The following PTPRN2 variants were observed in gnomAD, a reference collection of about 807,000 sequenced individuals.
The protein encoded by PTPRN2 is receptor-type tyrosine-protein phosphatase N2.
PTPRN2 carries 74 observed loss-of-function variants against 118.8 expected under a neutral mutation model. The ratio of observed to expected loss-of-function variants is 0.62; its 90% CI spans 0.52 to 0.76. The LOEUF (loss-of-function observed/expected upper bound fraction) is 0.76. Ranked by LOEUF, PTPRN2 falls within the 30% of genes least tolerant of loss-of-function variation. PTPRN2 has a pLI of 0.00. For missense variants in PTPRN2, 1,481 were observed against 1,394.4 expected, an observed-to-expected ratio of 1.06 and a Z score of -0.99; for synonymous variants, 641 against 608.0, an observed-to-expected ratio of 1.05 and a Z score of -0.80.
intron 2 of PTPRN2, among the ~76,000 whole-genome samples, chr7:158,429,381 C>T (rs919975923): frequency 1.4e-4 from 22 of 152,238 alleles, no homozygotes; most frequent in Admixed American, 1.4e-3. Flanking sequence ...TCCTGCAGCT[C>T]AGAGCTCAGC....
Position 157,583,773 on chromosome 7 carries a change from T to C in PTPRN2, c.2497-5633A>G, listed in dbSNP as rs190824240. Among the ~76,000 whole-genome samples the C allele has an allele frequency of 2.7e-3, 408 of 152,096 alleles. 3 individuals are homozygous for C. Among genetic ancestry groups the C allele is most frequent in the African/African-American group, 9.4e-3 (388 of 41,472 alleles). Reference sequence around the variant, plus strand: ...TGGTGGGTGCTGTAATCCCAGCTACTCAGGAGGCTGAGGCAGGAGAACTGC... The same window carrying C: ...TGGTGGGTGCTGTAATCCCAGCTACCCAGGAGGCTGAGGCAGGAGAACTGC... On this transcript the variant is annotated intron_variant, in intron 17 of 22. Transcript: ENST00000389418. This position sits in a 1 kb window ranked among gnomAD's most constrained non-coding sequence, Gnocchi z 5.5.
intron 2 of PTPRN2, among the ~76,000 whole-genome samples, chr7:158,404,904 C>T (rs1396648088): frequency 5.2e-5 from 7 of 133,754 alleles, no homozygotes; most frequent in South Asian, 5.3e-4. Flanking sequence ...CTCAGCTCCC[C>T]GGCCCCAGCT....
chr7:157,857,361 C>T (rs1809788135), intron 12 of PTPRN2: 1 of 152,258 alleles, frequency 6.6e-6, no homozygotes, highest in Non-Finnish European at 1.5e-5. Context: ...CGTTCACCCA[C>T]ACAAGGGCCA....
At chr7:157,985,115 G>T (rs2128836450) in intron 11 of PTPRN2, among the ~76,000 whole-genome samples, 1 of 152,296 alleles carries the variant, frequency 6.6e-6, no homozygotes, top group African/African-American at 2.4e-5. Flanking sequence ...CGTCGACTGT[G>T]CTCACTCAAC....
intron 12 of PTPRN2, among the ~76,000 whole-genome samples, chr7:157,891,485 C>T (rs192047404): frequency 7.6e-5 from 11 of 144,018 alleles, no homozygotes; most frequent in Admixed American, 7.1e-4. Context: ...TCCCACAGCC[C>T]CCCACCCCCC....
At chr7:158,253,548 G>A (rs188116078) in intron 3 of PTPRN2, among the ~76,000 whole-genome samples, 1 of 152,098 alleles carries the variant, frequency 6.6e-6, no homozygotes, top group Non-Finnish European at 1.5e-5. Flanking sequence ...CAGAGCACAC[G>A]CCAGACTCCC....
rs550025025 is a variant in PTPRN2, at chr7:158,166,956, G to A, written c.885C>T (p.Ser295=). ...CATCGCCTGTGCTGGAGGGGTCTTC[G>A]GAATCTCCCAGAGGTGAAGGCCACT... ...PQKWPSPLGD[S]EDPSSTGDGA... Residue 295 remains serine (S), a synonymous_variant, in exon 6 of 23, where the codon TCC becomes TCT. Transcript: ENST00000389418. The A allele has an allele frequency of 3.2e-4, 464 of 1,444,664 alleles. No homozygotes were observed. The highest frequency in any genetic ancestry group is 1.2e-3 in the Middle Eastern group (6 of 5,128). The allele number at this position is 1,444,664 out of a possible 1,614,324, so 89.5% of individuals were successfully genotyped here.
chr7:157,936,802 C>T (rs928301821), intron 11 of PTPRN2, among the ~76,000 whole-genome samples: 1 of 152,150 alleles, frequency 6.6e-6, no homozygotes, highest in Admixed American at 6.5e-5. Flanking sequence ...TTCAGAGGCT[C>T]CTCATGCCCT....
rs992078801 is a variant in PTPRN2, at chr7:157,881,665, G to A, written c.1788+17008C>T. On this transcript the variant is annotated intron_variant, in intron 12 of 22. Transcript: ENST00000389418. This position sits in a 1 kb window ranked among gnomAD's most constrained non-coding sequence, Gnocchi z 4.7. Reference sequence around the variant, plus strand: ...AGAAAGGAGAGGATTTCCTGTTTTCGTGGAACGTTAAGTCCAAGTGCTTGT... The same window carrying A: ...AGAAAGGAGAGGATTTCCTGTTTTCATGGAACGTTAAGTCCAAGTGCTTGT... 7.2e-5 allele frequency among the ~76,000 whole-genome samples: 11 copies of A among 151,924 alleles called. No homozygotes were observed. The highest frequency in any genetic ancestry group is 1.9e-4 in the African/African-American group (8 of 41,330).
intron 11 of PTPRN2, among the ~76,000 whole-genome samples, chr7:158,043,237 A>G (rs1267562896): frequency 6.6e-6 from 1 of 152,226 alleles, no homozygotes; most frequent in African/African-American, 2.4e-5. Context: ...TGCCATGTGG[A>G]GGGGAACACT....
intron 3 of PTPRN2, among the ~76,000 whole-genome samples, chr7:158,217,286 C>A (rs73176108): frequency 0.17 from 26,151 of 152,170 alleles, 2,492 homozygotes; most frequent in Non-Finnish European, 0.22. Flanking sequence ...GGCCAGAGGA[C>A]AAAGCCACAG....
At chr7:158,256,116 C>A (rs939870553) in intron 3 of PTPRN2, among the ~76,000 whole-genome samples, 1 of 152,136 alleles carries the variant, frequency 6.6e-6, no homozygotes, top group Non-Finnish European at 1.5e-5. Flanking sequence ...GCAGGACCTT[C>A]GGGGGAGGCC....
At chr7:158,091,894 TGATA>T (rs375073865) in intron 10 of PTPRN2, among the ~76,000 whole-genome samples, 44 of 112,354 alleles carry the variant, frequency 3.9e-4, no homozygotes, top group African/African-American at 1.6e-3. Flanking sequence ...GAGGGATAGG[TGATA>T]GATGGATGGG....
At chr7:158,579,768 G>C (rs1450249563) in intron 1 of PTPRN2, among the ~76,000 whole-genome samples, 1 of 152,156 alleles carries the variant, frequency 6.6e-6, no homozygotes, top group Non-Finnish European at 1.5e-5. Flanking sequence ...CCCCATTTCT[G>C]TTACCTTAAC....
chr7:157,847,751 C>T (rs1436247911), intron 12 of PTPRN2, among the ~76,000 whole-genome samples: 8 of 135,058 alleles, frequency 5.9e-5, no homozygotes, highest in Admixed American at 7.4e-5. Flanking sequence ...CCCTCTCTCA[C>T]TCCATCATGC....
intron 2 of PTPRN2, among the ~76,000 whole-genome samples, chr7:158,439,335 A>T (rs2129432503): frequency 6.6e-6 from 1 of 152,250 alleles, no homozygotes; most frequent in East Asian, 1.9e-4. Flanking sequence ...TGCATCCTTC[A>T]CCTTGCCAAA....
intron 12 of PTPRN2, among the ~76,000 whole-genome samples, chr7:157,810,014 A>G (rs561666829): frequency 7.1e-4 from 108 of 152,284 alleles, no homozygotes; most frequent in African/African-American, 2.5e-3. Context: ...GCCAGGCCGG[A>G]GCTGGAAGCC....
At chr7:158,396,526 C>T (rs574705307) in intron 2 of PTPRN2, among the ~76,000 whole-genome samples, 1 of 152,166 alleles carries the variant, frequency 6.6e-6, no homozygotes, top group East Asian at 1.9e-4. Flanking sequence ...CCCCTCCTCG[C>T]CGAGTGAGTT....
At chr7:157,905,872 G>A (rs1280498559) in intron 11 of PTPRN2, among the ~76,000 whole-genome samples, 2 of 152,162 alleles carry the variant, frequency 1.3e-5, no homozygotes, top group Non-Finnish European at 2.9e-5. Flanking sequence ...GCTTCCTTAG[G>A]AAGGATCCTC....
Sources: gnomAD v4.1 joint callset for allele counts (sites outside exome capture counted in the v4.1 genomes callset) on GRCh38, gnomAD v4.1.1 for gene constraint, Gnocchi (gnomAD v3.1) non-coding constraint, MANE v1.5 for transcripts, NCBI Gene and HGNC (gene_info 2026-07-23, HGNC 2026-07-21) for gene names.